The following TMEM132C variants were observed in gnomAD, a reference collection of about 807,000 sequenced individuals.
TMEM132C encodes the protein protein phosphatase 1, regulatory subunit 152.
In TMEM132C, 29 loss-of-function variants were observed where a neutral mutation model predicts 61.4. That is an observed-to-expected ratio of 0.47 (90% CI 0.35 to 0.64). TMEM132C has a LOEUF of 0.64. Among genes scored for constraint, TMEM132C ranks in the 30% least tolerant of loss-of-function variants. The probability of loss-of-function intolerance (pLI) is 0.00; values close to 1 mark genes in which losing one functional copy is unlikely to be tolerated. For missense variants in TMEM132C, 1,408 were observed against 1,476.9 expected, an observed-to-expected ratio of 0.95 and a Z score of 0.76; for synonymous variants, 656 against 633.1, an observed-to-expected ratio of 1.04 and a Z score of -0.54.
chr12:128,289,897 C>G (rs1173324273), intron 1 of TMEM132C, among the ~76,000 whole-genome samples: 1 of 152,096 alleles, frequency 6.6e-6, no homozygotes, highest in Non-Finnish European at 1.5e-5. Context: ...CTATGTTTCA[C>G]CTCAAATTAT....
intron 2 of TMEM132C, among the ~76,000 whole-genome samples, chr12:128,467,936 A>G (rs1229316760): frequency 2.0e-5 from 3 of 152,194 alleles, no homozygotes; most frequent in Non-Finnish European, 4.4e-5. Context: ...GGAGAGGGGC[A>G]TCAATCAGAC....
intron 1 of TMEM132C, among the ~76,000 whole-genome samples, chr12:128,347,963 G>C (rs188615000): frequency 2.4e-4 from 36 of 152,276 alleles, no homozygotes; most frequent in Non-Finnish European, 4.3e-4. Flanking sequence ...GGATCAGCTT[G>C]TCATTTTCTA....
intron 1 of TMEM132C, among the ~76,000 whole-genome samples, chr12:128,413,817 C>G (rs1419138431): frequency 6.6e-6 from 1 of 151,968 alleles, no homozygotes; most frequent in Non-Finnish European, 1.5e-5. Context: ...TTCCTTTTGA[C>G]TTTATTTATG....
chr12:128,528,330 C>T (rs770266162), intron 2 of TMEM132C, among the ~76,000 whole-genome samples: 1 of 152,186 alleles, frequency 6.6e-6, no homozygotes, highest in African/African-American at 2.4e-5. Flanking sequence ...TTTATTCTCC[C>T]ATAATTAAAT....
chr12:128,509,503 C>T (rs1214837122), intron 2 of TMEM132C, among the ~76,000 whole-genome samples: 3 of 152,170 alleles, frequency 2.0e-5, no homozygotes, highest in Admixed American at 1.3e-4. Flanking sequence ...CAGGTGAAAT[C>T]ACAGCTGTTG....
At chr12:128,332,404 C>A (rs1001011811) in intron 1 of TMEM132C, among the ~76,000 whole-genome samples, 17 of 152,302 alleles carry the variant, frequency 1.1e-4, no homozygotes, top group Non-Finnish European at 2.9e-5. Flanking sequence ...AGTTTTCTGT[C>A]TTCTGTTTCA....
chr12:128,408,585 C>G (rs2136016100), intron 1 of TMEM132C, among the ~76,000 whole-genome samples: 1 of 152,260 alleles, frequency 6.6e-6, no homozygotes, highest in East Asian at 1.9e-4. Context: ...TTACAAGTTG[C>G]CTAAATAGTC....
intron 3 of TMEM132C, among the ~76,000 whole-genome samples, chr12:128,588,654 G>T (rs1363291938): frequency 6.6e-6 from 1 of 151,994 alleles, no homozygotes; most frequent in South Asian, 2.1e-4. Flanking sequence ...TTAGGGAGTG[G>T]GGACTATGAA....
At chr12:128,567,876 A>G (rs1266860513) in intron 3 of TMEM132C, among the ~76,000 whole-genome samples, 1 of 152,242 alleles carries the variant, frequency 6.6e-6, no homozygotes, top group Non-Finnish European at 1.5e-5. Flanking sequence ...TGCCTTGTGC[A>G]TGGGCTGTGC....
At chr12:128,643,490 T>A (rs1158322753) in intron 4 of TMEM132C, among the ~76,000 whole-genome samples, 1 of 150,738 alleles carries the variant, frequency 6.6e-6, no homozygotes, top group Non-Finnish European at 1.5e-5. Flanking sequence ...AGAGAAAAAC[T>A]GGCCAGAGAG....
At chr12:128,359,402 G>C (rs1242825526) in intron 1 of TMEM132C, among the ~76,000 whole-genome samples, 1 of 152,110 alleles carries the variant, frequency 6.6e-6, no homozygotes, top group African/African-American at 2.4e-5. Flanking sequence ...AGACCAGCAT[G>C]GGGGAAACTG....
chr12:128,466,678 G>A (rs1870747487), intron 2 of TMEM132C, among the ~76,000 whole-genome samples: 1 of 152,128 alleles, frequency 6.6e-6, no homozygotes, highest in African/African-American at 2.4e-5. Flanking sequence ...ACCATGCCTG[G>A]CTAATTTTTG....
intron 2 of TMEM132C, among the ~76,000 whole-genome samples, chr12:128,504,968 T>TTTACTTACTACTTTACGTAGTAAGTAAGA (rs150403982): frequency 0.14 from 21,087 of 150,260 alleles, 1,898 homozygotes; most frequent in South Asian, 0.22. Context: ...TTTTGGGGAC[T>TTTACTTACTACTTTACGTAGTAAGTAAGA]TTACTTACTA....
intron 2 of TMEM132C, among the ~76,000 whole-genome samples, chr12:128,420,009 G>C (rs543092819): frequency 6.6e-6 from 1 of 151,898 alleles, no homozygotes; most frequent in Admixed American, 6.6e-5. Flanking sequence ...CCTAGCCAAC[G>C]TGGTGAAACC....
chr12:128,682,599 G>A (rs1366174408), intron 5 of TMEM132C, among the ~76,000 whole-genome samples: 1 of 152,206 alleles, frequency 6.6e-6, no homozygotes, highest in East Asian at 1.9e-4. Context: ...TGTGTAGGAA[G>A]CTTCAGAAGA....
chr12:128,270,077 C>A (rs1259810932), intron 1 of TMEM132C, among the ~76,000 whole-genome samples: 1 of 152,174 alleles, frequency 6.6e-6, no homozygotes, highest in African/African-American at 2.4e-5. Context: ...AGAGGCAAAA[C>A]ATCCTTGAAT....
At chr12:128,683,970 TTAAA>T (rs5741714) in intron 5 of TMEM132C, among the ~76,000 whole-genome samples, 1,884 of 147,558 alleles carry the variant, frequency 0.013, 32 homozygotes, top group African/African-American at 0.038. Context: ...CTGTTTGAAA[TTAAA>T]TAAATAAATA....
intron 2 of TMEM132C, among the ~76,000 whole-genome samples, chr12:128,506,176 G>A (rs568271392): frequency 1.5e-4 from 23 of 152,288 alleles, no homozygotes; most frequent in Non-Finnish European, 2.2e-4. Flanking sequence ...TAGCAGACAC[G>A]TCTCTAGACA....
intron 8 of TMEM132C, among the ~76,000 whole-genome samples, chr12:128,701,712 G>A (rs1320852642): frequency 7.2e-5 from 11 of 152,040 alleles, no homozygotes; most frequent in Admixed American, 6.5e-4. Flanking sequence ...TGATATGCCT[G>A]TGGTTCTATT....
Sources: allele counts gnomAD v4.1 joint callset (sites outside exome capture counted in the v4.1 genomes callset), GRCh38; gene constraint gnomAD v4.1.1; transcripts MANE v1.5; gene names NCBI Gene and HGNC (gene_info 2026-07-23, HGNC 2026-07-21).